The following UTRN variants were observed in gnomAD, a reference collection of about 807,000 sequenced individuals.
UTRN encodes the protein utrophin, also known as dystrophin-related protein 1.
Under a neutral mutation model 463.9 loss-of-function variants are expected in UTRN, and 283 were observed. The ratio of observed to expected loss-of-function variants is 0.61; its 90% CI spans 0.55 to 0.67. The LOEUF (loss-of-function observed/expected upper bound fraction) is 0.67. UTRN is among the 30% of genes least tolerant of loss of function. UTRN has a pLI of 0.00. For synonymous variants in UTRN, 1,442 were observed against 1,431.5 expected, an observed-to-expected ratio of 1.01 and a Z score of -0.17; for missense variants, 3,922 against 4,084.3, an observed-to-expected ratio of 0.96 and a Z score of 1.08.
At chr6:144,486,692 G>A (rs1792483971) in intron 28 of UTRN, among the ~76,000 whole-genome samples, 2 of 152,144 alleles carry the variant, frequency 1.3e-5, no homozygotes, top group African/African-American at 4.8e-5. Context: ...AGCTAATTTT[G>A]TATTTTTAGT....
intron 2 of UTRN, among the ~76,000 whole-genome samples, chr6:144,313,372 A>G (rs962671991): frequency 6.6e-6 from 1 of 151,800 alleles, no homozygotes; most frequent in Non-Finnish European, 1.5e-5. Context: ...AAAAAAAGAA[A>G]AGAAAATAGA....
At chr6:144,580,666 A>G (rs1801887797) in intron 51 of UTRN, among the ~76,000 whole-genome samples, 1 of 152,188 alleles carries the variant, frequency 6.6e-6, no homozygotes, top group Non-Finnish European at 1.5e-5. Context: ...AGGAGAGACA[A>G]GCTCCTTGAG....
intron 2 of UTRN, among the ~76,000 whole-genome samples, chr6:144,327,591 G>C (rs1189399761): frequency 2.0e-5 from 3 of 152,106 alleles, no homozygotes; most frequent in African/African-American, 7.2e-5. Context: ...TCATAGTAAG[G>C]TGTTAATTAT....
At chr6:144,787,122 C>A (rs988421525) in intron 61 of UTRN, among the ~76,000 whole-genome samples, 1 of 152,186 alleles carries the variant, frequency 6.6e-6, no homozygotes, top group Non-Finnish European at 1.5e-5. Flanking sequence ...TCCTTAGCCA[C>A]ATTCATGTAC....
At chr6:144,774,710 A>G (rs571912435) in intron 60 of UTRN, among the ~76,000 whole-genome samples, 17 of 152,334 alleles carry the variant, frequency 1.1e-4, no homozygotes, top group African/African-American at 3.8e-4. Flanking sequence ...TTGGCAATGT[A>G]GAGTTCCAGT....
At chr6:144,671,900 T>C (rs1335472664) in intron 51 of UTRN, among the ~76,000 whole-genome samples, 1 of 151,678 alleles carries the variant, frequency 6.6e-6, no homozygotes, top group Non-Finnish European at 1.5e-5. Context: ...GCTTTTTCTG[T>C]GGCTATTGAG....
chr6:144,465,681 T>G (rs761962038), intron 23 of UTRN, among the ~76,000 whole-genome samples: 13 of 152,178 alleles, frequency 8.5e-5, no homozygotes, highest in Non-Finnish European at 1.5e-4. Flanking sequence ...TAACTACTCA[T>G]GATTTACTTG....
intron 63 of UTRN, among the ~76,000 whole-genome samples, chr6:144,795,421 G>T (rs536615843): frequency 6.6e-6 from 1 of 152,224 alleles, no homozygotes; most frequent in Admixed American, 6.5e-5. Context: ...GGTATTTCTG[G>T]TTCTATATCC....
At chr6:144,331,323 G>A (rs1776317402) in intron 2 of UTRN, among the ~76,000 whole-genome samples, 1 of 152,138 alleles carries the variant, frequency 6.6e-6, no homozygotes, top group Non-Finnish European at 1.5e-5. Flanking sequence ...GTCAGCCTCA[G>A]AGCCTGGCAC....
At chr6:144,575,152 ATTTG>A (rs1352705492) in intron 50 of UTRN, among the ~76,000 whole-genome samples, 4 of 152,174 alleles carry the variant, frequency 2.6e-5, no homozygotes, top group Non-Finnish European at 4.4e-5. Context: ...GCATATTTTC[ATTTG>A]TTTATTTGTC....
chr6:144,437,455 A>C, intron 10 of UTRN, 110 bp from the exon 11 acceptor site: 1 of 1,107,686 alleles, frequency 9.0e-7, no homozygotes, highest in Non-Finnish European at 1.2e-6. Flanking sequence ...CTACTAGGCT[A>C]CCTTTTTCTG....
chr6:144,519,866 C>T (rs759076231), intron 39 of UTRN, among the ~76,000 whole-genome samples: 2 of 152,194 alleles, frequency 1.3e-5, no homozygotes, highest in South Asian at 2.1e-4. Context: ...AATGACAATC[C>T]GTTATGTAAC....
At chr6:144,595,503 G>T (rs1803552171) in intron 51 of UTRN, among the ~76,000 whole-genome samples, 1 of 152,034 alleles carries the variant, frequency 6.6e-6, no homozygotes, top group African/African-American at 2.4e-5. Flanking sequence ...CTTTCCTGGG[G>T]CACACAGCCA....
intron 65 of UTRN, among the ~76,000 whole-genome samples, chr6:144,804,374 A>G (rs1423795793): frequency 1.3e-5 from 2 of 152,188 alleles, no homozygotes; most frequent in South Asian, 2.1e-4. Flanking sequence ...ATTTATTACT[A>G]TTATCAACTT....
chr6:144,736,091 C>T (rs930953782), intron 54 of UTRN, among the ~76,000 whole-genome samples: 3 of 152,054 alleles, frequency 2.0e-5, no homozygotes, highest in Admixed American at 2.0e-4. Context: ...CATACTGCCT[C>T]CTTTCCTGAT....
chr6:144,320,279 G>A (rs2114580708), intron 2 of UTRN, among the ~76,000 whole-genome samples: 1 of 152,262 alleles, frequency 6.6e-6, no homozygotes, highest in East Asian at 1.9e-4. Context: ...ATATTGTTAG[G>A]GGCTGTTGCT....
At chr6:144,661,156 A>G (rs1429080915) in intron 51 of UTRN, among the ~76,000 whole-genome samples, 1 of 152,200 alleles carries the variant, frequency 6.6e-6, no homozygotes, top group Non-Finnish European at 1.5e-5. Flanking sequence ...TGAATGCCCC[A>G]TGGATCATTG....
At chr6:144,488,884 A>G (rs992806524) in intron 30 of UTRN, 50 bp downstream of exon 30, 22 of 1,486,192 alleles carry the variant, frequency 1.5e-5, no homozygotes, top group Non-Finnish European at 2.0e-5. Context: ...AGCTTTTGTA[A>G]TTGCCTCCTC....
intron 50 of UTRN, among the ~76,000 whole-genome samples, chr6:144,576,890 C>A (rs542489201): frequency 6.6e-6 from 1 of 151,888 alleles, no homozygotes; most frequent in Non-Finnish European, 1.5e-5. Context: ...TTATGGCTCT[C>A]CCCCTTTCAC....
Sources: gnomAD v4.1 joint callset for allele counts (sites outside exome capture counted in the v4.1 genomes callset) on GRCh38, gnomAD v4.1.1 for gene constraint, MANE v1.5 for transcripts, NCBI Gene and HGNC (gene_info 2026-07-23, HGNC 2026-07-21) for gene names.